MCC: variants seen among roughly 807,000 people sequenced by gnomAD.
MCC encodes the protein colorectal mutant cancer protein.
Under a neutral mutation model 116.2 loss-of-function variants are expected in MCC, and 90 were observed. The ratio of observed to expected loss-of-function variants is 0.77; its 90% CI spans 0.65 to 0.92. The LOEUF is 0.92. MCC is among the 40% of genes least tolerant of loss of function. The probability of loss-of-function intolerance (pLI) is 0.00; values close to 1 mark genes in which losing one functional copy is unlikely to be tolerated. For missense variants in MCC, 1,516 were observed against 1,312.2 expected (o/e 1.16, Z -2.40); for synonymous variants, 578 against 510.5 (o/e 1.13, Z -1.78).
At chr5:113,309,011 A>T (rs1030248839) in intron 3 of MCC, among the ~76,000 whole-genome samples, 1 of 152,168 alleles carries the variant, frequency 6.6e-6, no homozygotes, top group African/African-American at 2.4e-5. Context: ...TGGAGAAAAG[A>T]GGCCATATTT....
In MCC at chr5:113,349,281, G is replaced by A. The variant is rs796832427; in HGVS notation, c.416-8551C>T. ...CAGGCCAATATCCCTGATGAACACT[G>A]ATGCAAAAATCCTCAACAAAATACT... On this transcript the variant is annotated intron_variant, in intron 2 of 18. Coordinates refer to ENST00000408903, the MANE Select transcript of MCC (RefSeq NM_001085377.2). Among the ~76,000 whole-genome samples the A allele has an allele frequency of 2.4e-4, 36 of 152,132 alleles. 2 individuals carry two copies. The highest frequency in any genetic ancestry group is 8.7e-4 in the African/African-American group (36 of 41,536).
rs72442525 is a variant in MCC, at chr5:113,488,354, C to CGCA, written c.60_61insTGC (p.Gly20_Gly21insCys). ...CTGCTGCTGCTGCTGCTGCCGCTGC[C>CGCA]GCCGCCGCCGCCGCCGCTGCTGGAG... On this transcript the variant is annotated inframe_insertion, in exon 1 of 19. Coordinates refer to ENST00000408903, the MANE Select transcript of MCC (RefSeq NM_001085377.2). 7.2e-7 allele frequency: 1 copy of CGCA among 1,389,850 alleles called. No individual in the cohort carries two copies. The highest frequency in any genetic ancestry group is 3.1e-5 in the East Asian group (1 of 31,884). 86.1% of individuals were successfully genotyped at this position (1,389,850 alleles called of 1,614,324 possible). A position where few individuals can be genotyped will look rare whatever the true frequency, so the allele number is the denominator to read the frequency against.
chr5:113,099,295 G>A (rs1046613298), intron 8 of MCC, among the ~76,000 whole-genome samples: 3 of 152,304 alleles, frequency 2.0e-5, no homozygotes, highest in African/African-American at 7.2e-5. Context: ...GGTAACAGAT[G>A]TGACTGGAAG....
At chr5:113,322,011 T>C (rs1767433405) in intron 3 of MCC, among the ~76,000 whole-genome samples, 1 of 152,198 alleles carries the variant, frequency 6.6e-6, no homozygotes, top group Non-Finnish European at 1.5e-5. Flanking sequence ...TTTCTATTTT[T>C]ACTAGAGACG....
intron 6 of MCC, among the ~76,000 whole-genome samples, chr5:113,108,715 C>T (rs111724145): frequency 0.016 from 2,448 of 151,838 alleles, 77 homozygotes; most frequent in African/African-American, 0.057. Context: ...AGGCAGAGAG[C>T]TGGCAAGATG....
intron 2 of MCC, among the ~76,000 whole-genome samples, chr5:113,343,497 C>G (rs1046236674): frequency 4.6e-5 from 7 of 152,178 alleles, no homozygotes; most frequent in African/African-American, 1.7e-4. Flanking sequence ...TGTTCTGGCT[C>G]CAGCAACATG....
intron 3 of MCC, among the ~76,000 whole-genome samples, chr5:113,168,914 C>T (rs1225575079): frequency 1.3e-5 from 2 of 152,128 alleles, no homozygotes; most frequent in African/African-American, 2.4e-5. Flanking sequence ...CAGGCATCAG[C>T]CCCCATGATA....
At chr5:113,170,658 T>C (rs1761027473) in intron 3 of MCC, among the ~76,000 whole-genome samples, 1 of 152,168 alleles carries the variant, frequency 6.6e-6, no homozygotes, top group African/African-American at 2.4e-5. Flanking sequence ...CTTTTATATA[T>C]AACTCTCCTT....
At chr5:113,371,465 A>G (rs1267373466) in intron 2 of MCC, among the ~76,000 whole-genome samples, 1 of 152,224 alleles carries the variant, frequency 6.6e-6, no homozygotes, top group Non-Finnish European at 1.5e-5. Flanking sequence ...ATCAAAGAAA[A>G]CACTATAATT....
intron 3 of MCC, among the ~76,000 whole-genome samples, chr5:113,157,169 A>G (rs192272269): frequency 6.6e-6 from 1 of 152,252 alleles, no homozygotes; most frequent in African/African-American, 2.4e-5. Context: ...GTGCTTCTGC[A>G]TTTTGCTAAC....
intron 16 of MCC, chr5:113,044,669 G>C (rs534757284): frequency 6.4e-6 from 1 of 156,816 alleles, no homozygotes; most frequent in Non-Finnish European, 1.4e-5. Flanking sequence ...CTGCCTCCTG[G>C]GTTCAAGCGA....
chr5:113,266,442 T>G (rs991584355), intron 3 of MCC, among the ~76,000 whole-genome samples: 1 of 152,054 alleles, frequency 6.6e-6, no homozygotes, highest in Non-Finnish European at 1.5e-5. Flanking sequence ...TCCTTGGGAG[T>G]TGGCAGTTCT....
chr5:113,393,697 C>A (rs1181852340), intron 1 of MCC, among the ~76,000 whole-genome samples: 2 of 152,288 alleles, frequency 1.3e-5, no homozygotes, highest in Non-Finnish European at 2.9e-5. Flanking sequence ...GAGAGTATTC[C>A]CTATGTCCTC....
intron 6 of MCC, among the ~76,000 whole-genome samples, chr5:113,105,283 C>T (rs1002527245): frequency 7.9e-5 from 12 of 152,192 alleles, no homozygotes; most frequent in Admixed American, 2.6e-4. Context: ...CTTCTTCTCT[C>T]CTGCATGCTT....
chr5:113,138,390 T>G (rs1489935608), intron 5 of MCC, among the ~76,000 whole-genome samples: 1 of 152,016 alleles, frequency 6.6e-6, no homozygotes, highest in East Asian at 1.9e-4. Flanking sequence ...GGTAATTAGG[T>G]TTAGATGAGG....
chr5:113,157,732 G>C (rs1184106319), intron 3 of MCC, among the ~76,000 whole-genome samples: 2 of 152,226 alleles, frequency 1.3e-5, no homozygotes, highest in Non-Finnish European at 2.9e-5. Flanking sequence ...CTTAATGGAG[G>C]GAGGTCTGCT....
chr5:113,483,369 T>C (rs1772428596), intron 1 of MCC, among the ~76,000 whole-genome samples: 1 of 152,198 alleles, frequency 6.6e-6, no homozygotes, highest in Non-Finnish European at 1.5e-5. Context: ...AGTATTGCCA[T>C]CTTAACAAAA....
Position 113,463,357 on chromosome 5 carries a change from G to C in MCC, c.170+24888C>G, listed in dbSNP as rs117693336. Among the ~76,000 whole-genome samples the C allele has an allele frequency of 4.2e-4, 64 of 152,336 alleles. 1 individual carries two copies. The East Asian group carries it at 0.01, about 24-fold the overall frequency. On this transcript the variant is annotated intron_variant, in intron 1 of 18. Coordinates refer to ENST00000408903, the MANE Select transcript of MCC (RefSeq NM_001085377.2). ...TGCATTGGAGGGAGGCCAAAGGAGAGATGGGAAGGCCAGTTAGGAATATTT... is the reference window on the plus strand; with the variant it reads ...TGCATTGGAGGGAGGCCAAAGGAGACATGGGAAGGCCAGTTAGGAATATTT...
chr5:113,427,533 C>G (rs1770516140), intron 1 of MCC, among the ~76,000 whole-genome samples: 1 of 152,180 alleles, frequency 6.6e-6, no homozygotes, highest in Non-Finnish European at 1.5e-5. Flanking sequence ...TTGAATACTG[C>G]TTTTAAACTA....
Sources: gnomAD v4.1 joint callset for allele counts (sites outside exome capture counted in the v4.1 genomes callset) on GRCh38, gnomAD v4.1.1 for gene constraint, MANE v1.5 for transcripts, NCBI Gene and HGNC (gene_info 2026-07-23, HGNC 2026-07-21) for gene names.